Variants in SOX5 observed in about 807,000 individuals in gnomAD.
The protein encoded by SOX5 is SRY-box transcription factor 5.
Under a neutral mutation model 92.0 loss-of-function variants are expected in SOX5, and 9 were observed. That is an observed-to-expected ratio of 0.10 (90% CI 0.06 to 0.17). SOX5 has a LOEUF of 0.17. Among genes scored for constraint, SOX5 ranks in the 10% least tolerant of loss-of-function variants. SOX5 has a pLI of 1.00. For synonymous variants in SOX5, 344 were observed against 336.3 expected (o/e 1.02, Z -0.25); for missense variants, 642 against 944.5 (o/e 0.68, Z 4.20).
intron 2 of SOX5, among the ~76,000 whole-genome samples, chr12:24,289,264 C>T (rs984828356): frequency 2.1e-5 from 3 of 144,296 alleles, no homozygotes; most frequent in Non-Finnish European, 3.1e-5. Flanking sequence ...CTGGGTGACA[C>T]GGTGAGAACC....
At chr12:23,844,380 C>T (rs1420080642) in intron 3 of SOX5, among the ~76,000 whole-genome samples, 1 of 152,096 alleles carries the variant, frequency 6.6e-6, no homozygotes, top group Non-Finnish European at 1.5e-5. Context: ...TAAAGCTAAT[C>T]ATAAAAAATT....
intron 8 of SOX5, among the ~76,000 whole-genome samples, chr12:23,607,332 T>G (rs1395381061): frequency 6.6e-6 from 1 of 152,190 alleles, no homozygotes; most frequent in Non-Finnish European, 1.5e-5. Flanking sequence ...TTGAGTCTGC[T>G]CAGATAAGAT....
upstream of SOX5, among the ~76,000 whole-genome samples, chr12:23,951,395 G>A (rs1366961452): frequency 6.6e-6 from 1 of 151,612 alleles, no homozygotes; most frequent in East Asian, 1.9e-4. Context: ...AACATTAAGG[G>A]CCTTTAAAAC....
intron 4 of SOX5, among the ~76,000 whole-genome samples, chr12:24,101,969 C>G (rs572278436): frequency 1.3e-5 from 2 of 152,140 alleles, no homozygotes; most frequent in Non-Finnish European, 2.9e-5. Flanking sequence ...GAGAATAAAT[C>G]TCTGCAGCAA....
chr12:24,047,489 A>C (rs906828810), intron 4 of SOX5, among the ~76,000 whole-genome samples: 1 of 152,188 alleles, frequency 6.6e-6, no homozygotes, highest in African/African-American at 2.4e-5. Flanking sequence ...TGTGTACTGT[A>C]AGCACAGTTT....
chr12:24,144,182 G>T (rs1469102561), intron 4 of SOX5, among the ~76,000 whole-genome samples: 1 of 151,732 alleles, frequency 6.6e-6, no homozygotes, highest in Non-Finnish European at 1.5e-5. Flanking sequence ...GCAAAATCTT[G>T]AAAGTTCTGA....
At chr12:24,381,668 C>G (rs1033050616) in intron 1 of SOX5, among the ~76,000 whole-genome samples, 3 of 152,100 alleles carry the variant, frequency 2.0e-5, no homozygotes. Context: ...TTGCCTTACT[C>G]GTGAAATTGG....
At chr12:23,628,515 T>C (rs553673552) in intron 8 of SOX5, among the ~76,000 whole-genome samples, 1 of 152,242 alleles carries the variant, frequency 6.6e-6, no homozygotes, top group East Asian at 1.9e-4. Flanking sequence ...GTAATTTTCA[T>C]GTTAGAGGCA....
intron 3 of SOX5, among the ~76,000 whole-genome samples, chr12:24,215,315 T>A (rs1594360435): frequency 1.3e-5 from 2 of 152,264 alleles, no homozygotes; most frequent in Non-Finnish European, 2.9e-5. Flanking sequence ...TGATTATCGC[T>A]ATTTGTAGAT....
At chr12:24,305,712 C>T (rs560427946) in intron 2 of SOX5, among the ~76,000 whole-genome samples, 23 of 152,280 alleles carry the variant, frequency 1.5e-4, no homozygotes, top group African/African-American at 4.6e-4. Context: ...ATTCTCCTGC[C>T]TCAGCCTCCT....
intron 6 of SOX5, among the ~76,000 whole-genome samples, chr12:23,713,263 C>A (rs1032987959): frequency 6.6e-6 from 1 of 152,162 alleles, no homozygotes; most frequent in African/African-American, 2.4e-5. Context: ...GCTACAGATG[C>A]TTCCTCAGAG....
intron 1 of SOX5, among the ~76,000 whole-genome samples, chr12:23,912,535 C>T (rs767947027): frequency 4.7e-4 from 72 of 152,108 alleles, no homozygotes; most frequent in South Asian, 1.5e-3. Flanking sequence ...AGCTTGTACC[C>T]AAAGGTACAT....
intron 4 of SOX5, among the ~76,000 whole-genome samples, chr12:24,000,385 T>C (rs1407467947): frequency 6.6e-6 from 1 of 152,000 alleles, no homozygotes; most frequent in East Asian, 1.9e-4. Context: ...TTAGTATATA[T>C]GTAAATATAT....
chr12:24,245,235 TTG>T (rs58384963), intron 3 of SOX5, among the ~76,000 whole-genome samples: 41,297 of 144,130 alleles, frequency 0.29, 5,812 homozygotes, highest in East Asian at 0.41. Flanking sequence ...TTGGAGAGAT[TTG>T]TGTGTGTGTG....
At chr12:23,561,241 T>C (rs1946145987) in intron 11 of SOX5, among the ~76,000 whole-genome samples, 1 of 152,292 alleles carries the variant, frequency 6.6e-6, no homozygotes, top group Non-Finnish European at 1.5e-5. Context: ...GAGGCAACTC[T>C]CACTCCTGCA....
chr12:23,547,892 G>A (rs1943441614), intron 11 of SOX5, among the ~76,000 whole-genome samples: 1 of 152,048 alleles, frequency 6.6e-6, no homozygotes, highest in Non-Finnish European at 1.5e-5. Context: ...TGTTTTGGAT[G>A]TCTTTTGCTG....
intron 4 of SOX5, among the ~76,000 whole-genome samples, chr12:24,049,164 G>C: frequency 6.6e-6 from 1 of 152,216 alleles, no homozygotes; most frequent in African/African-American, 2.4e-5. Context: ...TATAGCAGCA[G>C]GGAAAGGAAG....
intron 2 of SOX5, among the ~76,000 whole-genome samples, chr12:24,319,613 T>A (rs1291006612): frequency 6.6e-6 from 1 of 152,222 alleles, no homozygotes; most frequent in Non-Finnish European, 1.5e-5. Flanking sequence ...GGAGTGGTTT[T>A]CCAGTCTTTT....
At chr12:24,541,157 C>T (rs1018346844) in intron 1 of SOX5, among the ~76,000 whole-genome samples, 3 of 152,160 alleles carry the variant, frequency 2.0e-5, no homozygotes, top group Non-Finnish European at 2.9e-5. Context: ...AAACAAGGTG[C>T]GAGCTTATAC....
Sources: allele counts gnomAD v4.1 joint callset (sites outside exome capture counted in the v4.1 genomes callset), GRCh38; gene constraint gnomAD v4.1.1; transcripts MANE v1.5; gene names NCBI Gene and HGNC (gene_info 2026-07-23, HGNC 2026-07-21).